HPSE2: variants seen among roughly 807,000 people sequenced by gnomAD.
HPSE2 encodes the protein inactive heparanase-2.
A neutral mutation model predicts 60.5 loss-of-function variants in HPSE2; 38 were observed. The observed-to-expected ratio is 0.63, with a 90% CI of 0.48 to 0.82. The LOEUF is 0.82. Among genes scored for constraint, HPSE2 ranks in the 40% least tolerant of loss-of-function variants. HPSE2 has a pLI of 0.00. For missense variants in HPSE2, 713 were observed against 740.4 expected (o/e 0.96, Z 0.43); for synonymous variants, 295 against 293.2 (o/e 1.01, Z -0.06).
chr10:99,285,271 A>G, the HPSE2 span, among the ~76,000 whole-genome samples: 1 of 151,174 alleles, frequency 6.6e-6, no homozygotes, highest in Admixed American at 6.6e-5. Flanking sequence ...TCTACAAAAA[A>G]AGGAAAAAAA....
chr10:98,969,031 T>C (rs1377875833), intron 3 of HPSE2, among the ~76,000 whole-genome samples: 2 of 152,216 alleles, frequency 1.3e-5, no homozygotes, highest in Non-Finnish European at 2.9e-5. Flanking sequence ...AAATATGTCC[T>C]GCATTCCATA....
At chr10:99,095,278 G>C (rs2135615531) in intron 3 of HPSE2, among the ~76,000 whole-genome samples, 2 of 151,196 alleles carry the variant, frequency 1.3e-5, no homozygotes, top group South Asian at 2.1e-4. Context: ...GTATCTATTA[G>C]TATTCAGCAT....
At chr10:98,884,736 C>T (rs925696606) in intron 3 of HPSE2, among the ~76,000 whole-genome samples, 1 of 151,904 alleles carries the variant, frequency 6.6e-6, no homozygotes, top group African/African-American at 2.4e-5. Flanking sequence ...GCGAGGAGGA[C>T]GGTTTCAGGG....
chr10:99,079,862 C>G (rs1843073070), intron 3 of HPSE2, among the ~76,000 whole-genome samples: 1 of 152,130 alleles, frequency 6.6e-6, no homozygotes, highest in Non-Finnish European at 1.5e-5. Flanking sequence ...CTCCAAGACA[C>G]TCAAGACATA....
chr10:99,294,390 T>TATATAATATATAAATATATAATATATAC, the HPSE2 span, among the ~76,000 whole-genome samples: 23 of 146,810 alleles, frequency 1.6e-4, no homozygotes, highest in African/African-American at 4.2e-4. Context: ...ACATATATAA[T>TATATAATATATAAATATATAATATATAC]ATATAATATA....
the HPSE2 span, among the ~76,000 whole-genome samples, chr10:99,309,833 T>C: frequency 6.6e-6 from 1 of 152,260 alleles, no homozygotes; most frequent in Non-Finnish European, 1.5e-5. Context: ...TGGCAGTATC[T>C]ACTGTAACTC....
the HPSE2 span, among the ~76,000 whole-genome samples, chr10:99,262,592 A>C: frequency 3.9e-5 from 6 of 152,154 alleles, no homozygotes; most frequent in South Asian, 1.2e-3. Context: ...ATCCCACAGC[A>C]TGCTTTAAAA....
intron 3 of HPSE2, among the ~76,000 whole-genome samples, chr10:98,846,053 T>C (rs1017741933): frequency 1.4e-4 from 22 of 152,230 alleles, no homozygotes; most frequent in African/African-American, 5.3e-4. Context: ...TTACAGATTC[T>C]CTTTACAGCT....
chr10:98,694,682 A>T (rs1948165578), intron 5 of HPSE2, among the ~76,000 whole-genome samples: 1 of 152,248 alleles, frequency 6.6e-6, no homozygotes, highest in Non-Finnish European at 1.5e-5. Flanking sequence ...AAGAAGATGC[A>T]TCTGGGGGCC....
the HPSE2 span, among the ~76,000 whole-genome samples, chr10:99,269,154 C>T: frequency 4.6e-4 from 69 of 148,920 alleles, no homozygotes; most frequent in African/African-American, 1.5e-3. Flanking sequence ...AGCGAGACTT[C>T]GTCAAAAAAA....
intron 3 of HPSE2, among the ~76,000 whole-genome samples, chr10:98,991,727 G>A (rs1956528974): frequency 6.6e-6 from 1 of 151,984 alleles, no homozygotes; most frequent in African/African-American, 2.4e-5. Context: ...AGAGAGAAGA[G>A]AAAGTGAAGA....
chr10:98,888,140 AC>A (rs1264765970), intron 3 of HPSE2, among the ~76,000 whole-genome samples: 3 of 126,642 alleles, frequency 2.4e-5, no homozygotes, highest in Non-Finnish European at 4.7e-5. Context: ...AAACAAACAC[AC>A]ACACACACAC....
chr10:99,274,817 G>A, the HPSE2 span, among the ~76,000 whole-genome samples: 1 of 152,212 alleles, frequency 6.6e-6, no homozygotes, highest in African/African-American at 2.4e-5. Flanking sequence ...GAGTAAACTG[G>A]AGGAAGTTTT....
chr10:99,107,223 C>T (rs566019078), intron 3 of HPSE2, among the ~76,000 whole-genome samples: 2 of 152,192 alleles, frequency 1.3e-5, no homozygotes, highest in East Asian at 3.9e-4. Flanking sequence ...TTTCTATATC[C>T]TTTTCTCTGA....
intron 3 of HPSE2, among the ~76,000 whole-genome samples, chr10:98,938,125 C>A (rs1328923089): frequency 1.4e-5 from 2 of 143,174 alleles, no homozygotes; most frequent in Non-Finnish European, 3.0e-5. Flanking sequence ...TAGATAAAAC[C>A]ACAAAGATGG....
intron 3 of HPSE2, among the ~76,000 whole-genome samples, chr10:99,050,510 T>C (rs10450370): frequency 0.51 from 77,478 of 151,946 alleles, 22,225 homozygotes; most frequent in Non-Finnish European, 0.64. Context: ...ATATGAATTA[T>C]GTATGTCAAA....
chr10:98,463,679 C>T (rs1049806703), intron 11 of HPSE2, among the ~76,000 whole-genome samples: 1 of 152,060 alleles, frequency 6.6e-6, no homozygotes, highest in Non-Finnish European at 1.5e-5. Flanking sequence ...GTGGCACATG[C>T]CTGTAGTCCC....
chr10:98,795,719 G>A (rs966196023), intron 3 of HPSE2, among the ~76,000 whole-genome samples: 12 of 152,148 alleles, frequency 7.9e-5, no homozygotes, highest in East Asian at 5.8e-4. Flanking sequence ...TGCTTGTGCC[G>A]CCACTCCCCC....
chr10:98,808,543 C>T lies in HPSE2; in HGVS notation c.611-64487G>A, dbSNP rs77507578. Among the ~76,000 whole-genome samples the T allele has an allele frequency of 3.6e-3, 545 of 152,156 alleles. 2 individuals carry two copies. Among genetic ancestry groups the T allele is most frequent in the Non-Finnish European group, 6.3e-3 (425 of 67,980 alleles). On this transcript the variant is annotated intron_variant, in intron 3 of 11. Transcript: ENST00000370552. Reference sequence around the variant, plus strand: ...TAAGTGAGAGTCATGCCTGAGCAGCCCTTCAACTAACACTTAGGAGAGTTT... The same window carrying T: ...TAAGTGAGAGTCATGCCTGAGCAGCTCTTCAACTAACACTTAGGAGAGTTT...
Sources: allele counts gnomAD v4.1 joint callset (sites outside exome capture counted in the v4.1 genomes callset), GRCh38; gene constraint gnomAD v4.1.1; transcripts MANE v1.5; gene names NCBI Gene and HGNC (gene_info 2026-07-23, HGNC 2026-07-21).